Variants in KCNIP4 observed in about 807,000 individuals in gnomAD.
KCNIP4 encodes the protein Kv channel-interacting protein 4.
A neutral mutation model predicts 34.0 loss-of-function variants in KCNIP4; 12 were observed. The observed-to-expected ratio is 0.35, with a 90% CI of 0.23 to 0.57. The LOEUF (loss-of-function observed/expected upper bound fraction) is 0.57. Ranked by LOEUF, KCNIP4 falls within the 20% of genes least tolerant of loss-of-function variation. The pLI is 0.83. For synonymous variants in KCNIP4, 124 were observed against 102.2 expected (o/e 1.21, Z -1.29); for missense variants, 238 against 311.7 (o/e 0.76, Z 1.78).
intron 1 of KCNIP4, among the ~76,000 whole-genome samples, chr4:21,862,454 C>T (rs898691533): frequency 6.6e-5 from 10 of 152,058 alleles, no homozygotes; most frequent in Admixed American, 2.0e-4. Flanking sequence ...AAAATACAAT[C>T]AAATGATGGT....
chr4:20,898,313 C>G (rs748207563), intron 1 of KCNIP4, among the ~76,000 whole-genome samples: 1 of 152,130 alleles, frequency 6.6e-6, no homozygotes, highest in Non-Finnish European at 1.5e-5. Context: ...CTGTTTCTCT[C>G]TTTGTATACA....
chr4:21,274,329 T>C (rs2109143806), intron 1 of KCNIP4, among the ~76,000 whole-genome samples: 1 of 152,306 alleles, frequency 6.6e-6, no homozygotes, highest in South Asian at 2.1e-4. Context: ...TGTTTGAAAC[T>C]ATATCTCAGG....
chr4:21,492,745 T>A (rs779750503), intron 1 of KCNIP4, among the ~76,000 whole-genome samples: 21 of 152,202 alleles, frequency 1.4e-4, no homozygotes, highest in Non-Finnish European at 2.8e-4. Flanking sequence ...TCCCAAACTA[T>A]AAAGCCAATT....
At chr4:20,861,862 CTCT>C (rs1420677319) in intron 2 of KCNIP4, among the ~76,000 whole-genome samples, 2 of 151,974 alleles carry the variant, frequency 1.3e-5, no homozygotes, top group African/African-American at 4.8e-5. Context: ...ACATAAATAA[CTCT>C]TCAACAAGCT....
chr4:21,225,192 GA>G (rs1353924271), intron 1 of KCNIP4, among the ~76,000 whole-genome samples: 1 of 152,136 alleles, frequency 6.6e-6, no homozygotes, highest in African/African-American at 2.4e-5. Context: ...AACACCTCCA[GA>G]GGTTACTGAT....
chr4:20,803,470 CAAA>C (rs551176038), intron 3 of KCNIP4, among the ~76,000 whole-genome samples: 930 of 85,022 alleles, frequency 0.011, no homozygotes, highest in African/African-American at 0.024. Flanking sequence ...TCATCTTTAC[CAAA>C]AAAAAAAAAA....
chr4:21,220,113 T>C (rs1209367532), intron 1 of KCNIP4, among the ~76,000 whole-genome samples: 1 of 152,230 alleles, frequency 6.6e-6, no homozygotes, highest in Admixed American at 6.5e-5. Context: ...AATTTATTTA[T>C]TTTATCCAGT....
intron 1 of KCNIP4, among the ~76,000 whole-genome samples, chr4:21,034,328 A>G (rs2149768722): frequency 6.6e-6 from 1 of 152,340 alleles, no homozygotes; most frequent in East Asian, 1.9e-4. Context: ...AAAACAAATC[A>G]GCCTGGAGGG....
chr4:21,913,894 G>A (rs1175786347), intron 1 of KCNIP4, among the ~76,000 whole-genome samples: 2 of 152,102 alleles, frequency 1.3e-5, no homozygotes, highest in Non-Finnish European at 2.9e-5. Context: ...TTGAGCATAA[G>A]TGGGATAGTC....
At chr4:21,313,906 A>G (rs1713452888) in intron 1 of KCNIP4, among the ~76,000 whole-genome samples, 1 of 152,192 alleles carries the variant, frequency 6.6e-6, no homozygotes, top group African/African-American at 2.4e-5. Context: ...GACTTAGAAC[A>G]ACACAAATTT....
intron 1 of KCNIP4, among the ~76,000 whole-genome samples, chr4:21,176,412 G>A (rs1406018827): frequency 6.6e-6 from 1 of 152,082 alleles, no homozygotes; most frequent in African/African-American, 2.4e-5. Flanking sequence ...AAAATAAATT[G>A]GGGCCATATG....
At chr4:20,888,469 G>C (rs749583823) in intron 1 of KCNIP4, among the ~76,000 whole-genome samples, 4 of 151,502 alleles carry the variant, frequency 2.6e-5, no homozygotes, top group Non-Finnish European at 4.4e-5. Flanking sequence ...TCCCTAAATA[G>C]ATAGCTGTGT....
intron 1 of KCNIP4, among the ~76,000 whole-genome samples, chr4:20,930,814 C>T (rs1730380015): frequency 6.7e-6 from 1 of 148,498 alleles, no homozygotes; most frequent in Non-Finnish European, 1.5e-5. Flanking sequence ...AGATATCACC[C>T]TTCACCCATT....
chr4:21,198,814 C>A (rs150686708), intron 1 of KCNIP4, among the ~76,000 whole-genome samples: 1 of 152,154 alleles, frequency 6.6e-6, no homozygotes, highest in African/African-American at 2.4e-5. Context: ...CACCTATAGG[C>A]CAATTGTTCT....
chr4:20,935,937 T>C (rs1731013517), intron 1 of KCNIP4, among the ~76,000 whole-genome samples: 1 of 152,216 alleles, frequency 6.6e-6, no homozygotes, highest in Admixed American at 6.5e-5. Flanking sequence ...TCTGATAGTG[T>C]TTAGGCACTT....
chr4:21,214,422 C>T (rs1275928770), intron 1 of KCNIP4, among the ~76,000 whole-genome samples: 1 of 152,138 alleles, frequency 6.6e-6, no homozygotes, highest in Non-Finnish European at 1.5e-5. Flanking sequence ...ATTAGGCTGA[C>T]TTCCCCGTCA....
intron 1 of KCNIP4, among the ~76,000 whole-genome samples, chr4:20,926,262 A>G (rs1426100626): frequency 6.6e-6 from 1 of 152,198 alleles, no homozygotes; most frequent in Non-Finnish European, 1.5e-5. Flanking sequence ...ATTGAAAAAG[A>G]CACCTGGCCT....
At position 21,283,849 on chromosome 4, in the gene KCNIP4, CA is replaced by C. The variant is rs539701652; in HGVS notation, c.62-401141del. ...TCATGCTACTATAAAGACACACACA[CA>C]AAAAAAATAAAAATAAAAACAAGTA... On this transcript the variant is annotated intron_variant, in intron 1 of 8. Transcript: ENST00000382152. Among the ~76,000 whole-genome samples, 8 of 151,080 alleles carry C rather than the reference CA, an allele frequency of 5.3e-5. 1 individual carries two copies. In the South Asian group the frequency reaches 1.3e-3, roughly 24 times the overall value.
At chr4:21,843,193 G>A (rs771672760) in intron 1 of KCNIP4, 2 of 151,980 alleles carry the variant, frequency 1.3e-5, no homozygotes, top group East Asian at 3.9e-4. Context: ...TTTATTGGGA[G>A]AATGTAAAAA....
Sources: gnomAD v4.1 joint callset for allele counts (sites outside exome capture counted in the v4.1 genomes callset) on GRCh38, gnomAD v4.1.1 for gene constraint, MANE v1.5 for transcripts, NCBI Gene and HGNC (gene_info 2026-07-23, HGNC 2026-07-21) for gene names.